SYT1: variants seen among roughly 807,000 people sequenced by gnomAD.
SYT1 encodes the protein synaptotagmin-1.
A neutral mutation model predicts 44.8 loss-of-function variants in SYT1; 8 were observed. The observed-to-expected ratio is 0.18, with a 90% CI of 0.10 to 0.32. SYT1 has a LOEUF of 0.32. SYT1 is among the 10% of genes least tolerant of loss of function. The pLI is 1.00. For missense variants in SYT1, 286 were observed against 509.3 expected (o/e 0.56, Z 4.22); for synonymous variants, 154 against 188.8 (o/e 0.82, Z 1.51).
intron 4 of SYT1, among the ~76,000 whole-genome samples, chr12:79,259,385 G>A (rs377069851): frequency 1.3e-5 from 2 of 152,112 alleles, no homozygotes; most frequent in Admixed American, 6.6e-5. Context: ...ATTTAAAACT[G>A]TCTAACACCT....
At chr12:79,428,397 G>A (rs1269265617) in intron 9 of SYT1, among the ~76,000 whole-genome samples, 2 of 152,110 alleles carry the variant, frequency 1.3e-5, no homozygotes, top group African/African-American at 4.8e-5. Context: ...GGATACCTGA[G>A]ACCCCAAAGT....
At chr12:79,387,626 C>T (rs111588045) in intron 9 of SYT1, among the ~76,000 whole-genome samples, 1,531 of 152,308 alleles carry the variant, frequency 0.01, 29 homozygotes, top group African/African-American at 0.034. Context: ...TAAATGTCAA[C>T]TGTGCAGGCA....
chr12:79,103,201 T>A (rs1878533470), intron 3 of SYT1: 1 of 152,102 alleles, frequency 6.6e-6, no homozygotes, highest in African/African-American at 2.4e-5. Flanking sequence ...AAATGTGTGC[T>A]CATTCAAAAA....
intron 4 of SYT1, among the ~76,000 whole-genome samples, chr12:79,250,386 AG>A (rs1406229747): frequency 1.3e-5 from 2 of 152,322 alleles, no homozygotes; most frequent in African/African-American, 4.8e-5. Context: ...ATTCCTAATA[AG>A]GGCTTTCCTG....
intron 3 of SYT1, among the ~76,000 whole-genome samples, chr12:79,086,393 T>C (rs1877386537): frequency 1.3e-5 from 2 of 152,156 alleles, no homozygotes; most frequent in East Asian, 1.9e-4. Flanking sequence ...GATTAAAAGA[T>C]ACTGAGGAAT....
intron 3 of SYT1, among the ~76,000 whole-genome samples, chr12:79,139,483 G>T (rs1869420071): frequency 6.6e-6 from 1 of 151,834 alleles, no homozygotes; most frequent in African/African-American, 2.4e-5. Context: ...TTCCTCTTAG[G>T]CTTATAAATA....
chr12:79,064,487 G>A (rs1313862755), intron 3 of SYT1, among the ~76,000 whole-genome samples: 1 of 152,028 alleles, frequency 6.6e-6, no homozygotes, highest in Non-Finnish European at 1.5e-5. Context: ...TAATTTCAAA[G>A]TCTATTTTTC....
At chr12:78,959,164 AC>A in intron 1 of SYT1, among the ~76,000 whole-genome samples, 1 of 152,154 alleles carries the variant, frequency 6.6e-6, no homozygotes, top group Non-Finnish European at 1.5e-5. Flanking sequence ...CTACCTGCTT[AC>A]CTCACAGTTA....
chr12:79,345,361 T>C (rs1201363194), intron 8 of SYT1, among the ~76,000 whole-genome samples: 1 of 152,204 alleles, frequency 6.6e-6, no homozygotes, highest in Non-Finnish European at 1.5e-5. Context: ...TCACCTCCTA[T>C]AGCATTTGTG....
At chr12:79,149,782 T>C (rs1870151126) in intron 3 of SYT1, among the ~76,000 whole-genome samples, 1 of 152,184 alleles carries the variant, frequency 6.6e-6, no homozygotes, top group Non-Finnish European at 1.5e-5. Flanking sequence ...ATGATCCACA[T>C]TCTACATGGC....
At chr12:78,892,475 A>G (rs1875112433) in intron 1 of SYT1, among the ~76,000 whole-genome samples, 1 of 151,730 alleles carries the variant, frequency 6.6e-6, no homozygotes, top group African/African-American at 2.4e-5. Flanking sequence ...GCAATAGGAA[A>G]AATGACCAGT....
intron 1 of SYT1, among the ~76,000 whole-genome samples, chr12:78,948,952 CCTATTATATT>C (rs1592595476): frequency 8.2e-6 from 1 of 121,498 alleles, no homozygotes; most frequent in African/African-American, 3.0e-5. Flanking sequence ...AAAATCAAGG[CCTATTATATT>C]ATATTATATT....
chr12:79,390,107 G>C (rs944830992), intron 9 of SYT1, among the ~76,000 whole-genome samples: 1 of 151,574 alleles, frequency 6.6e-6, no homozygotes, highest in African/African-American at 2.4e-5. Context: ...TAATTTTTTT[G>C]TCTTTTTAAT....
intron 9 of SYT1, among the ~76,000 whole-genome samples, chr12:79,410,965 A>C (rs915865176): frequency 2.0e-5 from 3 of 152,216 alleles, no homozygotes; most frequent in African/African-American, 7.2e-5. Flanking sequence ...CCTTCAGTAA[A>C]CAGTTCTGAT....
intron 1 of SYT1, among the ~76,000 whole-genome samples, chr12:78,892,612 A>G (rs1318964749): frequency 1.3e-5 from 2 of 151,704 alleles, no homozygotes; most frequent in African/African-American, 4.8e-5. Flanking sequence ...TCCATAGAAA[A>G]TAACATTCAT....
At chr12:78,981,429 A>C (rs1326621825) in intron 2 of SYT1, among the ~76,000 whole-genome samples, 1 of 151,870 alleles carries the variant, frequency 6.6e-6, no homozygotes, top group African/African-American at 2.4e-5. Flanking sequence ...AGCAGCCTTA[A>C]TTCTTTTAAA....
intron 3 of SYT1, among the ~76,000 whole-genome samples, chr12:79,149,683 T>A (rs1870144680): frequency 6.6e-6 from 1 of 151,944 alleles, no homozygotes; most frequent in South Asian, 2.1e-4. Flanking sequence ...GTAAGGGAGG[T>A]GCTTAAACAT....
chr12:78,875,501 AG>A lies in SYT1; in HGVS notation c.-217+10393del, dbSNP rs1237649596. Among the ~76,000 whole-genome samples the A allele has an allele frequency of 2.6e-5, 4 of 151,818 alleles. No homozygotes were observed. In the East Asian group the frequency reaches 7.8e-4, roughly 29 times the overall value. On this transcript the variant is annotated intron_variant, in intron 1 of 10. Transcript: ENST00000261205. ...GCCAGCCCTGTAACTATCAGGGGAA[AG>A]CACTGGGGTCAAATGAAGCAACCAG...
In SYT1 at chr12:78,918,698, A is replaced by G. The variant is rs1370166488; in HGVS notation, c.-217+53589A>G. Among the ~76,000 whole-genome samples, 5 of 152,082 alleles carry G rather than the reference A, an allele frequency of 3.3e-5. No homozygotes were observed. The East Asian group carries it at 9.7e-4, about 29-fold the overall frequency. ...ATACACAGAGAGACCAACTGGGGCC[A>G]GATTTTGTATATAAAACATTCCTCG... On this transcript the variant is annotated intron_variant, in intron 1 of 10. Coordinates refer to ENST00000261205, the MANE Select transcript of SYT1 (RefSeq NM_005639.3).
Sources: gnomAD v4.1 joint callset for allele counts (sites outside exome capture counted in the v4.1 genomes callset) on GRCh38, gnomAD v4.1.1 for gene constraint, MANE v1.5 for transcripts, NCBI Gene and HGNC (gene_info 2026-07-23, HGNC 2026-07-21) for gene names.